RTN4IP1: variants seen among roughly 807,000 people sequenced by gnomAD.
The protein encoded by RTN4IP1 is NAD(P)H oxidoreductase RTN4IP1, mitochondrial.
In RTN4IP1, 32 loss-of-function variants were observed where a neutral mutation model predicts 46.6. The ratio of observed to expected loss-of-function variants is 0.69; its 90% CI spans 0.52 to 0.92. The LOEUF (loss-of-function observed/expected upper bound fraction) is 0.92. Among genes scored for constraint, RTN4IP1 ranks in the 40% least tolerant of loss-of-function variants. The pLI, the probability that RTN4IP1 is intolerant of heterozygous loss-of-function variation, is 0.00. For synonymous variants in RTN4IP1, 167 were observed against 161.8 expected (o/e 1.03, Z -0.24); for missense variants, 424 against 485.8 (o/e 0.87, Z 1.20).
At chr6:106,598,072 A>T (rs370066731) in intron 5 of RTN4IP1, among the ~76,000 whole-genome samples, 1 of 152,104 alleles carries the variant, frequency 6.6e-6, no homozygotes, top group Non-Finnish European at 1.5e-5. Context: ...ATATGTGCCA[A>T]ATTTTCTTAA....
rs77607578 is a variant in RTN4IP1 at position 106,586,293 on chromosome 6, C to T, written c.990+1386G>A. Among the ~76,000 whole-genome samples, 73 of 152,286 alleles carry T rather than the reference C, an allele frequency of 4.8e-4. 1 individual carries two copies. The Middle Eastern group carries it at 0.024, about 50-fold the overall frequency. ...GTCAGCGTTGGTCGGACTGACACAG[C>T]GACTCACAGCCTTTTTACCACTGAG... On this transcript the variant is annotated intron_variant, in intron 7 of 8. Coordinates refer to ENST00000369063, the MANE Select transcript of RTN4IP1 (RefSeq NM_032730.5).
intron 1 of RTN4IP1, among the ~76,000 whole-genome samples, chr6:106,626,625 G>A (rs920902599): frequency 1.2e-4 from 18 of 152,146 alleles, no homozygotes; most frequent in African/African-American, 4.1e-4. Context: ...CATCAACTGA[G>A]TAGCCTTGGC....
At chr6:106,585,626 C>T (rs187558640) in intron 7 of RTN4IP1, among the ~76,000 whole-genome samples, 78 of 152,244 alleles carry the variant, frequency 5.1e-4, no homozygotes, top group Non-Finnish European at 7.9e-4. Flanking sequence ...GTGTTATTCC[C>T]CCCCTACCCA....
chr6:106,621,077 C>G (rs1239022430), intron 3 of RTN4IP1, among the ~76,000 whole-genome samples: 1 of 152,120 alleles, frequency 6.6e-6, no homozygotes, highest in Non-Finnish European at 1.5e-5. Context: ...TAAAGTTATT[C>G]AAAACCGCTG....
intron 3 of RTN4IP1, among the ~76,000 whole-genome samples, chr6:106,620,424 C>T (rs866121547): frequency 2.0e-5 from 3 of 152,062 alleles, no homozygotes; most frequent in South Asian, 2.1e-4. Context: ...TTTATGTTAT[C>T]GGTAAGGCTT....
chr6:106,601,306 T>C (rs1000320485), intron 5 of RTN4IP1, among the ~76,000 whole-genome samples: 1 of 152,002 alleles, frequency 6.6e-6, no homozygotes, highest in African/African-American at 2.4e-5. Context: ...TTATATATTC[T>C]GGATACTAGA....
chr6:106,616,502 AGAT>A (rs753054368), intron 4 of RTN4IP1, among the ~76,000 whole-genome samples: 46 of 152,214 alleles, frequency 3.0e-4, no homozygotes, highest in Non-Finnish European at 4.7e-4. Flanking sequence ...TAGAAAAAAA[AGAT>A]GATTCATCTT....
chr6:106,614,535 G>T (rs1190257006), intron 4 of RTN4IP1, among the ~76,000 whole-genome samples: 2 of 152,130 alleles, frequency 1.3e-5, no homozygotes, highest in Non-Finnish European at 2.9e-5. Flanking sequence ...GAAGAATAGA[G>T]TGGAATACTG....
intron 8 of RTN4IP1, among the ~76,000 whole-genome samples, chr6:106,573,188 T>G (rs1261708045): frequency 6.6e-6 from 1 of 152,208 alleles, no homozygotes; most frequent in Non-Finnish European, 1.5e-5. Flanking sequence ...ATCCTCTCCA[T>G]GCAAAAATCC....
At chr6:106,585,603 C>T (rs1775463895) in intron 7 of RTN4IP1, among the ~76,000 whole-genome samples, 1 of 152,122 alleles carries the variant, frequency 6.6e-6, no homozygotes. Flanking sequence ...TAATATTCTG[C>T]TATAAGAGGT....
intron 5 of RTN4IP1, among the ~76,000 whole-genome samples, chr6:106,597,535 G>A (rs1475600235): frequency 6.6e-6 from 1 of 151,910 alleles, no homozygotes; most frequent in Non-Finnish European, 1.5e-5. Flanking sequence ...GTAGAGACGA[G>A]GTTTTGCCAT....
In RTN4IP1 at chr6:106,584,007, A is replaced by G. The variant is rs138823328; in HGVS notation, c.991-587T>C. 9.4e-4 allele frequency among the ~76,000 whole-genome samples: 143 copies of G among 152,362 alleles called. 2 individuals carry two copies. The highest frequency in any genetic ancestry group is 3.3e-3 in the African/African-American group (138 of 41,586). ...CTATGGTTATGGCAAATACAAAGCC[A>G]TCTCATCTATTACAGGGCAATACCC... is the stretch of plus-strand genomic sequence containing the variant. On this transcript the variant is annotated intron_variant, in intron 7 of 8. Transcript: ENST00000369063.
chr6:106,614,782 C>CGGGCAGTG (rs1776308015), intron 4 of RTN4IP1, among the ~76,000 whole-genome samples: 1 of 152,074 alleles, frequency 6.6e-6, no homozygotes, highest in Non-Finnish European at 1.5e-5. Context: ...AGCTACGACC[C>CGGGCAGTG]CAGTGAGGGC....
rs145695118 is a variant in RTN4IP1, at chr6:106,587,707, C to G, written c.962G>C (p.Gly321Ala). The G allele has an allele frequency of 3.6e-4, 588 of 1,613,044 alleles. 3 individuals are homozygous for G. In the Middle Eastern group the frequency reaches 5.6e-3, roughly 15 times the overall value. The change falls in exon 7 of 9, where the codon GGA becomes GCA. Residue 321 changes from glycine to alanine, a missense_variant. Coordinates refer to ENST00000369063, the MANE Select transcript of RTN4IP1 (RefSeq NM_032730.5). ...TAATGCCTTTGAACCTACAGTGACTCCTGTCTGCAACATGCCATCTGCTAT... is the reference window on the plus strand; with the variant it reads ...TAATGCCTTTGAACCTACAGTGACTGCTGTCTGCAACATGCCATCTGCTAT... ...LGIADGMLQT[G>A]VTVGSKALKH...
At position 106,625,734 on chromosome 6, in the gene RTN4IP1, G is replaced by T. The variant is rs113328095; in HGVS notation, c.275-2765C>A. Among the ~76,000 whole-genome samples, 543 of 149,102 alleles carry T rather than the reference G, an allele frequency of 3.6e-3. 2 individuals are homozygous for T. Among genetic ancestry groups the T allele is most frequent in the Non-Finnish European group, 5.9e-3 (401 of 67,566 alleles). ...GCTGGAGTGCAATGGCGTGATCTCG[G>T]CTCACTGCAACTTCCGCCTCCCGGG... is the stretch of plus-strand genomic sequence containing the variant. On this transcript the variant is annotated intron_variant, in intron 1 of 8. Coordinates refer to ENST00000369063, the MANE Select transcript of RTN4IP1 (RefSeq NM_032730.5).
At chr6:106,624,573 G>T (rs1372148801) in intron 1 of RTN4IP1, among the ~76,000 whole-genome samples, 2 of 149,352 alleles carry the variant, frequency 1.3e-5, no homozygotes, top group African/African-American at 4.9e-5. Flanking sequence ...CTAGGCTCAA[G>T]CGATCCACCC....
rs1562144006 is a variant in RTN4IP1, at chr6:106,601,772, A to G, written c.669+1102T>C. On this transcript the variant is annotated intron_variant, in intron 5 of 8. Transcript: ENST00000369063. The stretch of plus-strand genomic sequence containing the variant: ...ATTACAGACACATGCCACCATGTCC[A>G]ACTAATTTTTGTATTTTTAGTAGAG... 3.3e-5 allele frequency among the ~76,000 whole-genome samples: 5 copies of G among 150,642 alleles called. No individual in the cohort carries two copies. The Admixed American group carries it at 3.4e-4, about 10-fold the overall frequency.
At position 106,628,870 on chromosome 6, in the gene RTN4IP1, T is replaced by C. The variant is rs939243610; in HGVS notation, c.152A>G (p.Tyr51Cys). Residue 51 changes from tyrosine (Y) to cysteine (C), a missense_variant, in exon 1 of 9, where the codon TAT (tyrosine) becomes TGT (cysteine). Transcript: ENST00000369063. ...TVMPAWVIDKYGKNEVLRFTQ... is the reference protein window; with the variant it reads ...TVMPAWVIDKCGKNEVLRFTQ... The stretch of plus-strand genomic sequence containing the variant: ...GAATCGAAGCACTTCATTCTTCCCA[T>C]ATTTATCTATCACCCAAGCAGGCAT... 6.2e-7 allele frequency: 1 copy of C among 1,614,164 alleles called. No homozygotes were observed. The highest frequency in any genetic ancestry group is 1.3e-5 in the African/African-American group (1 of 75,056).
Position 106,621,409 on chromosome 6 carries a change from A to G in RTN4IP1, c.495+16T>C, listed in dbSNP as rs773463911. 1.3e-6 allele frequency: 2 copies of G among 1,589,420 alleles called. No homozygotes were observed. Among genetic ancestry groups the G allele is most frequent in the South Asian group, 1.1e-5 (1 of 90,572 alleles). Reference sequence around the variant, plus strand: ...TTTAAACTTTCTAATGCATTTCAGCAGAGTTGGTAAGTTACCTCATTCCCA... The same window carrying G: ...TTTAAACTTTCTAATGCATTTCAGCGGAGTTGGTAAGTTACCTCATTCCCA... On this transcript the variant is annotated intron_variant, in intron 3 of 8. Coordinates refer to ENST00000369063, the MANE Select transcript of RTN4IP1 (RefSeq NM_032730.5).
Sources: gnomAD v4.1 joint callset for allele counts (sites outside exome capture counted in the v4.1 genomes callset) on GRCh38, gnomAD v4.1.1 for gene constraint, MANE v1.5 for transcripts, NCBI Gene and HGNC (gene_info 2026-07-23, HGNC 2026-07-21) for gene names.